Variants in CAPN7 observed in about 807,000 individuals in gnomAD.
CAPN7 encodes calpain 7, also known as calpain-7.
Under a neutral mutation model 115.2 loss-of-function variants are expected in CAPN7, and 72 were observed. The ratio of observed to expected loss-of-function variants is 0.63; its 90% CI spans 0.52 to 0.76. The LOEUF (loss-of-function observed/expected upper bound fraction) is 0.76. Ranked by LOEUF, CAPN7 falls within the 30% of genes least tolerant of loss-of-function variation. CAPN7 has a pLI of 0.00. For synonymous variants in CAPN7, 344 were observed against 322.3 expected, an observed-to-expected ratio of 1.07 and a Z score of -0.72; for missense variants, 905 against 971.5, an observed-to-expected ratio of 0.93 and a Z score of 0.91.
At chr3:15,210,727 C>A in intron 1 of CAPN7, 1 of 1,201,328 alleles carries the variant, frequency 8.3e-7, no homozygotes. Context: ...TCCTGAGTAG[C>A]TGGGACTACT....
chr3:15,232,461 TAGAA>T lies in CAPN7; in HGVS notation c.1033-55_1033-52del, dbSNP rs1202766890. On this transcript the variant is annotated intron_variant, in intron 9 of 20. Coordinates refer to ENST00000253693, the MANE Select transcript of CAPN7 (RefSeq NM_014296.3). Reference sequence around the variant, plus strand: ...TGAAAGGTATGTTTTTATTTCTTGATAGAAAGGATTTTAAGATATTTTGTGCACC... The same window carrying T: ...TGAAAGGTATGTTTTTATTTCTTGATAGGATTTTAAGATATTTTGTGCACC... The T allele has an allele frequency of 1.6e-5, 22 of 1,372,620 alleles. No homozygotes were observed. The African/African-American group carries it at 1.9e-4, about 12-fold the overall frequency. 85.0% of individuals were successfully genotyped at this position (1,372,620 alleles called of 1,614,324 possible).
intron 2 of CAPN7, among the ~76,000 whole-genome samples, chr3:15,212,726 G>A (rs1418960299): frequency 6.6e-6 from 1 of 152,132 alleles, no homozygotes; most frequent in African/African-American, 2.4e-5. Flanking sequence ...TTTGTAAACA[G>A]CACAACAGGT....
chr3:15,221,467 A>G (rs1470282980), intron 5 of CAPN7, among the ~76,000 whole-genome samples: 1 of 150,372 alleles, frequency 6.7e-6, no homozygotes, highest in African/African-American at 2.5e-5. Context: ...TATTGGGATT[A>G]CAGGCATGAG....
chr3:15,212,343 C>G, intron 2 of CAPN7, 131 bp downstream of exon 2: 2 of 543,652 alleles, frequency 3.7e-6, no homozygotes, highest in East Asian at 3.1e-5. Context: ...GCTCATTCCA[C>G]TTTTGGTAAT....
intron 2 of CAPN7, among the ~76,000 whole-genome samples, chr3:15,212,449 A>G (rs1376260761): frequency 1.3e-5 from 2 of 152,368 alleles, no homozygotes; most frequent in African/African-American, 2.4e-5. Flanking sequence ...CAGAGTGCAG[A>G]GATGGTGAAT....
intron 8 of CAPN7, among the ~76,000 whole-genome samples, chr3:15,229,561 CTTTTTTTTTTTTT>C (rs566957976): frequency 1.0e-4 from 9 of 87,876 alleles, no homozygotes; most frequent in East Asian, 4.7e-4. Flanking sequence ...TACTTTTTTT[CTTTTTTTTTTTTT>C]TTTTTTTTTT....
At chr3:15,225,546 T>A (rs1694264018) in intron 6 of CAPN7, among the ~76,000 whole-genome samples, 1 of 152,160 alleles carries the variant, frequency 6.6e-6, no homozygotes, top group South Asian at 2.1e-4. Flanking sequence ...CATGGGAAAA[T>A]GCTCATAATA....
intron 4 of CAPN7, among the ~76,000 whole-genome samples, chr3:15,220,308 C>G (rs528868399): frequency 1.5e-4 from 23 of 152,250 alleles, no homozygotes; most frequent in Non-Finnish European, 2.8e-4. Flanking sequence ...TGCTTCCTCA[C>G]TGCCCAGGTG....
chr3:15,220,116 G>A (rs1260084108), intron 4 of CAPN7, among the ~76,000 whole-genome samples: 2 of 152,004 alleles, frequency 1.3e-5, no homozygotes. Context: ...CAGGAGAATC[G>A]CTTGACTCGG....
chr3:15,233,226 A>T (rs1458243524), intron 10 of CAPN7, among the ~76,000 whole-genome samples: 1 of 152,222 alleles, frequency 6.6e-6, no homozygotes, highest in Admixed American at 6.5e-5. Context: ...AGTCGTAAAG[A>T]TGAAAATTGC....
rs936144828 is a variant in CAPN7 at position 15,252,538 on chromosome 3, A to G, written c.*1278A>G. 6.6e-6 allele frequency: 1 copy of G among 152,222 alleles called. No individual in the cohort carries two copies. The highest frequency in any genetic ancestry group is 2.4e-5 in the African/African-American group (1 of 41,470). 9.4% of individuals were successfully genotyped at this position (152,222 alleles called of 1,614,324 possible). On this transcript the variant is annotated 3_prime_UTR_variant, in exon 21 of 21. Transcript: ENST00000253693. ...ACAAGTTTTCTGTTACTTTTTAAAA[A>G]GAAAAAATCCAGAACATAAGAACTA...
intron 8 of CAPN7, 36 bp from the exon 9 acceptor site, chr3:15,230,406 A>T (rs778018144): frequency 1.5e-6 from 2 of 1,343,900 alleles, no homozygotes. Flanking sequence ...TTGAATACTA[A>T]TGTTGGTATT....
At chr3:15,248,807 G>T (rs1230848733) in intron 19 of CAPN7, among the ~76,000 whole-genome samples, 2 of 151,442 alleles carry the variant, frequency 1.3e-5, no homozygotes, top group African/African-American at 4.9e-5. Context: ...TGAGCAACAT[G>T]GCAAAACCTC....
chr3:15,235,805 T>C (rs1277772340), intron 12 of CAPN7, among the ~76,000 whole-genome samples: 1 of 152,186 alleles, frequency 6.6e-6, no homozygotes, highest in African/African-American at 2.4e-5. Context: ...AGTACCTGTC[T>C]GTGGCCCGGG....
chr3:15,229,096 T>G (rs768270026), intron 8 of CAPN7, 37 bp downstream of exon 8: 5 of 1,443,798 alleles, frequency 3.5e-6, no homozygotes, highest in Non-Finnish European at 4.9e-6. Context: ...TTTTGTGTAA[T>G]TGTCCCTTAA....
At chr3:15,225,498 A>C (rs1193235969) in intron 6 of CAPN7, among the ~76,000 whole-genome samples, 1 of 152,256 alleles carries the variant, frequency 6.6e-6, no homozygotes, top group African/African-American at 2.4e-5. Flanking sequence ...AAAATGTTAT[A>C]TAGCCATAAA....
chr3:15,251,566 C>T lies in CAPN7; in HGVS notation c.*306C>T, dbSNP rs1696006671. On this transcript the variant is annotated 3_prime_UTR_variant, in exon 21 of 21. Coordinates refer to ENST00000253693, the MANE Select transcript of CAPN7 (RefSeq NM_014296.3). ...AGACTCAGTCATCACTGTGAGATGC[C>T]TTTGCTAAGAGGATAAAGGAACTGA... 1.0e-5 allele frequency: 2 copies of T among 197,186 alleles called. No individual in the cohort carries two copies. Among genetic ancestry groups the T allele is most frequent in the Non-Finnish European group, 2.0e-5 (2 of 98,178 alleles). The allele number at this position is 197,186 out of a possible 1,614,324, so 12.2% of individuals were successfully genotyped here. A position where few individuals can be genotyped will look rare whatever the true frequency, so the allele number is the denominator to read the frequency against.
chr3:15,215,646 A>G (rs938143344), intron 2 of CAPN7, among the ~76,000 whole-genome samples: 1 of 152,172 alleles, frequency 6.6e-6, no homozygotes, highest in Admixed American at 6.5e-5. Flanking sequence ...AGATTTTTCC[A>G]TGTTGTAGAT....
At position 15,247,407 on chromosome 3, in the gene CAPN7, A is replaced by G. The variant is rs1306958091; in HGVS notation, c.2154A>G (p.Gln718=). The G allele has an allele frequency of 1.2e-6, 2 of 1,612,478 alleles. No individual in the cohort carries two copies. The highest frequency in any genetic ancestry group is 1.7e-5 in the Admixed American group (1 of 59,832). Residue 718 remains glutamine (Q), a synonymous_variant, in exon 19 of 21, where the codon CAA becomes CAG. Coordinates refer to ENST00000253693, the MANE Select transcript of CAPN7 (RefSeq NM_014296.3). ...QETHKNNPIY[Q]FHIEKTGPLL... ...CTCACAAAAATAACCCCATCTACCA[A>G]TTCCATATAGAAAAGACTGGGCCGT...
Sources: allele counts gnomAD v4.1 joint callset (sites outside exome capture counted in the v4.1 genomes callset), GRCh38; gene constraint gnomAD v4.1.1; transcripts MANE v1.5; gene names NCBI Gene and HGNC (gene_info 2026-07-23, HGNC 2026-07-21).